Variants in ADGRF1 observed in about 807,000 individuals in gnomAD.
ADGRF1 encodes the protein adhesion G protein-coupled receptor F1, also known as G protein-coupled receptor 110.
ADGRF1 carries 85 observed loss-of-function variants against 87.2 expected under a neutral mutation model. The ratio of observed to expected loss-of-function variants is 0.97; its 90% CI spans 0.82 to 1.17. The LOEUF (loss-of-function observed/expected upper bound fraction) is 1.17. Among genes scored for constraint, ADGRF1 ranks in the 50% most tolerant of loss-of-function variants. The pLI is 0.00. For missense variants in ADGRF1, 1,169 were observed against 1,077.2 expected (o/e 1.09, Z -1.19); for synonymous variants, 430 against 408.8 (o/e 1.05, Z -0.63).
chr6:47,024,234 A>T lies in ADGRF1; in HGVS notation c.278-17T>A. ...TGTTGCAGTCTGCACAAGAAATAGA[A>T]CTCAGTCTCATGGATTCTGGTTTAT... On this transcript the variant is annotated splice_polypyrimidine_tract_variant and intron_variant, in intron 4 of 14. Coordinates refer to ENST00000371253, the MANE Select transcript of ADGRF1 (RefSeq NM_153840.4). 1.2e-6 allele frequency: 2 copies of T among 1,600,134 alleles called. No individual in the cohort carries two copies. The highest frequency in any genetic ancestry group is 1.1e-5 in the South Asian group (1 of 89,934).
chr6:47,010,177 G>A lies in ADGRF1; in HGVS notation c.1258C>T (p.Leu420Phe), dbSNP rs1432434591. ...NISTLVPPTA[L>F]PLNFSRKFID... is the part of the protein sequence containing the mutation. Reference sequence around the variant, plus strand: ...AATTTCCGAGAAAAATTCAGAGGAAGAGCTGTCGGAGGCACCAGAGTGCTG... The same window carrying A: ...AATTTCCGAGAAAAATTCAGAGGAAAAGCTGTCGGAGGCACCAGAGTGCTG... Residue 420 changes from leucine (L) to phenylalanine (F), a missense_variant, in exon 11 of 15, where the codon CTT becomes TTT. By Grantham distance (22) the Leu-to-Phe change is conservative. Coordinates refer to ENST00000371253, the MANE Select transcript of ADGRF1 (RefSeq NM_153840.4). The A allele has an allele frequency of 6.2e-7, 1 of 1,614,134 alleles. No individual in the cohort carries two copies. The highest frequency in any genetic ancestry group is 1.3e-5 in the African/African-American group (1 of 75,044).
intron 1 of ADGRF1, among the ~76,000 whole-genome samples, chr6:47,031,377 CT>C (rs1780427533): frequency 6.6e-6 from 1 of 150,662 alleles, no homozygotes; most frequent in African/African-American, 2.5e-5. Context: ...CTCTCTCTCT[CT>C]CTCTCTCTCC....
At chr6:47,000,693 C>G (rs62401798) in intron 14 of ADGRF1, among the ~76,000 whole-genome samples, 3 of 152,126 alleles carry the variant, frequency 2.0e-5, no homozygotes, top group East Asian at 3.9e-4. Context: ...CAACAGAACC[C>G]AAGGGTCCGG....
intron 5 of ADGRF1, among the ~76,000 whole-genome samples, chr6:47,022,803 TC>T (rs370603123): frequency 0.01 from 1,421 of 141,606 alleles, 21 homozygotes; most frequent in African/African-American, 0.038. Flanking sequence ...TTTTCTTTTT[TC>T]TTTTTTTTTT....
At position 47,001,882 on chromosome 6, in the gene ADGRF1, T is replaced by G. The variant is rs535323081; in HGVS notation, c.2593-315A>C. 6.1e-5 allele frequency: 13 copies of G among 213,742 alleles called. No homozygotes were observed. In the South Asian group the frequency reaches 8.6e-4, roughly 14 times the overall value. The allele number at this position is 213,742 out of a possible 1,614,324, so 13.2% of individuals were successfully genotyped here. The stretch of plus-strand genomic sequence containing the variant: ...TATGCTTACATTTCTTTGGATCACA[T>G]TTGTTACTGGAAGAGAAACCCATGG... On this transcript the variant is annotated intron_variant, in intron 13 of 14. Coordinates refer to ENST00000371253, the MANE Select transcript of ADGRF1 (RefSeq NM_153840.4).
chr6:47,038,019 C>G (rs1040832341), intron 1 of ADGRF1, among the ~76,000 whole-genome samples: 1 of 152,110 alleles, frequency 6.6e-6, no homozygotes, highest in Non-Finnish European at 1.5e-5. Context: ...CGCCACCATG[C>G]CCGGCTGATT....
chr6:47,027,801 A>C (rs1780286133), intron 2 of ADGRF1, 40 bp from the exon 3 acceptor site: 1 of 1,186,614 alleles, frequency 8.4e-7, no homozygotes, highest in African/African-American at 1.5e-5. Context: ...GAGACTTTGA[A>C]GAGTTGTGCT....
intron 3 of ADGRF1, among the ~76,000 whole-genome samples, 170 bp from the exon 4 acceptor site, chr6:47,026,173 C>T (rs1430938739): frequency 6.6e-6 from 1 of 152,152 alleles, no homozygotes; most frequent in Non-Finnish European, 1.5e-5. Context: ...TGAGGGTAAA[C>T]ACAAGCAAAT....
intron 1 of ADGRF1, among the ~76,000 whole-genome samples, chr6:47,031,649 T>C (rs1294728906): frequency 1.3e-5 from 2 of 152,270 alleles, no homozygotes; most frequent in African/African-American, 2.4e-5. Context: ...AGGAGCTCAT[T>C]AGAAAATGTG....
intron 1 of ADGRF1, among the ~76,000 whole-genome samples, chr6:47,032,147 G>A (rs1409403010): frequency 5.3e-5 from 8 of 151,868 alleles, no homozygotes. Flanking sequence ...TGGCACCTGT[G>A]GCCTCCACTC....
At chr6:47,007,761 T>C (rs141841982) in intron 11 of ADGRF1, among the ~76,000 whole-genome samples, 1 of 152,228 alleles carries the variant, frequency 6.6e-6, no homozygotes, top group East Asian at 1.9e-4. Context: ...CCTTGGTAAA[T>C]GTTTTGGTGG....
In ADGRF1 at chr6:46,999,243, G is replaced by A. The variant is rs949537854; in HGVS notation, c.*979C>T. On this transcript the variant is annotated 3_prime_UTR_variant, in exon 15 of 15. Transcript: ENST00000371253. ...CCACAAAGTGCCTATGGTGTATTAT[G>A]AAAGAAAATAAGGATGTTTTAAGGT... 1.3e-5 allele frequency: 2 copies of A among 152,188 alleles called. No individual in the cohort carries two copies. Among genetic ancestry groups the A allele is most frequent in the Admixed American group, 1.3e-4 (2 of 15,278 alleles). The allele number at this position is 152,188 out of a possible 1,614,324, so 9.4% of individuals were successfully genotyped here.
intron 13 of ADGRF1, among the ~76,000 whole-genome samples, chr6:47,004,816 C>T (rs1389381026): frequency 6.6e-6 from 1 of 152,126 alleles, no homozygotes; most frequent in East Asian, 1.9e-4. Context: ...AAAATTAAAA[C>T]TTAGAGACGA....
chr6:47,029,757 A>T (rs1252665259), intron 1 of ADGRF1, among the ~76,000 whole-genome samples: 2 of 152,202 alleles, frequency 1.3e-5, no homozygotes, highest in Non-Finnish European at 2.9e-5. Context: ...TGGCTATCTA[A>T]ATTTCAATTA....
Position 47,010,231 on chromosome 6 carries a change from A to T in ADGRF1, c.1204T>A (p.Ser402Thr). The change falls in exon 11 of 15, where the codon TCA becomes ACA. Residue 402 changes from serine (S) to threonine (T), a missense_variant. Coordinates refer to ENST00000371253, the MANE Select transcript of ADGRF1 (RefSeq NM_153840.4). ...VLLREEKYAS[S>T]RLLETLENIS... is the part of the protein sequence containing the mutation. ...TTTTCTAATGTCTCTAGTAACCGTG[A>T]GCTGGCATACTTTTCTTCCCGCAGT... 1 of 1,614,002 alleles carries T rather than the reference A, an allele frequency of 6.2e-7. No homozygotes were observed.
chr6:47,022,804 C>CTTTTTTTTTT (rs11286179), intron 5 of ADGRF1, among the ~76,000 whole-genome samples: 4 of 119,286 alleles, frequency 3.4e-5, no homozygotes, highest in Non-Finnish European at 5.1e-5. Flanking sequence ...TTTCTTTTTT[C>CTTTTTTTTTT]TTTTTTTTTT....
intron 4 of ADGRF1, among the ~76,000 whole-genome samples, chr6:47,025,633 C>T (rs1582176499): frequency 6.6e-6 from 1 of 152,166 alleles, no homozygotes. Flanking sequence ...AGCATGGGTA[C>T]ATATGAGATA....
At chr6:47,028,862 C>G (rs1780325426) in intron 2 of ADGRF1, 131 bp downstream of exon 2, 1 of 728,920 alleles carries the variant, frequency 1.4e-6, no homozygotes, top group Non-Finnish European at 2.5e-6. Flanking sequence ...GAAACGAGAA[C>G]TCAGGACTTC....
rs753912333 is a variant in ADGRF1 at position 47,009,219 on chromosome 6, T to C, written c.2216A>G (p.Asn739Ser). The C allele has an allele frequency of 2.5e-6, 4 of 1,614,150 alleles. No homozygotes were observed. Among genetic ancestry groups the C allele is most frequent in the South Asian group, 2.2e-5 (2 of 91,080 alleles). The change falls in exon 11 of 15, where the codon AAT (asparagine) becomes AGT (serine). Residue 739 changes from asparagine to serine, a missense_variant. Asn to Ser is a conservative substitution (Grantham distance 46, BLOSUM62 1). Coordinates refer to ENST00000371253, the MANE Select transcript of ADGRF1 (RefSeq NM_153840.4). The stretch of plus-strand genomic sequence containing the variant: ...AAAAGCCAGGAGTGGTTTGCTTCCA[T>C]TGGACCAGTTAAGCCAACACACATC... ...RKDVCWLNWS[N>S]GSKPLLAFVV...
Sources: allele counts gnomAD v4.1 joint callset (sites outside exome capture counted in the v4.1 genomes callset), GRCh38; gene constraint gnomAD v4.1.1; transcripts MANE v1.5; gene names NCBI Gene and HGNC (gene_info 2026-07-23, HGNC 2026-07-21).